The following SNX25 variants were observed in gnomAD, a reference collection of about 807,000 sequenced individuals.
The protein encoded by SNX25 is sorting nexin-25.
SNX25 carries 62 observed loss-of-function variants against 113.7 expected under a neutral mutation model. That is an observed-to-expected ratio of 0.55 (90% CI 0.44 to 0.67). SNX25 has a LOEUF of 0.67. SNX25 is among the 30% of genes least tolerant of loss of function. The pLI is 0.00. For missense variants in SNX25, 1,014 were observed against 1,161.0 expected, an observed-to-expected ratio of 0.87 and a Z score of 1.84; for synonymous variants, 421 against 436.2, an observed-to-expected ratio of 0.97 and a Z score of 0.43.
In SNX25 at chr4:185,323,661, A is replaced by G. The variant is rs749435584; in HGVS notation, c.1610A>G (p.Tyr537Cys). The G allele has an allele frequency of 3.1e-6, 5 of 1,613,832 alleles. No individual in the cohort carries two copies. The highest frequency in any genetic ancestry group is 3.4e-6 in the Non-Finnish European group (4 of 1,179,838). ...LVGNKGIEVF[Y>C]KIQEDVYETL... The stretch of plus-strand genomic sequence containing the variant: ...GGAAATAAAGGTATTGAAGTATTCT[A>G]CAAAATCCAGGAAGATGTTTATGAG... Residue 537 changes from tyrosine (Y) to cysteine (C), a missense_variant, in exon 9 of 19, where the codon TAC becomes TGC. Transcript: ENST00000652585.
chr4:185,349,319 C>T (rs892238604), intron 13 of SNX25, among the ~76,000 whole-genome samples: 5 of 152,144 alleles, frequency 3.3e-5, no homozygotes, highest in African/African-American at 7.2e-5. Flanking sequence ...ATCTGTTGGA[C>T]GCCTAAGTTG....
intron 5 of SNX25, among the ~76,000 whole-genome samples, chr4:185,277,388 C>G (rs13143236): frequency 0.012 from 1,827 of 152,182 alleles, 22 homozygotes; most frequent in Non-Finnish European, 0.016. Flanking sequence ...TTTGTGACTC[C>G]CAAGGTCTGT....
At chr4:185,245,526 C>T (rs1579454317) in intron 1 of SNX25, among the ~76,000 whole-genome samples, 2 of 152,002 alleles carry the variant, frequency 1.3e-5, no homozygotes, top group South Asian at 2.1e-4. Flanking sequence ...TTAGTAGAGA[C>T]GGGGGTCTCA....
intron 2 of SNX25, among the ~76,000 whole-genome samples, chr4:185,257,393 CTG>C (rs1746612366): frequency 6.6e-6 from 1 of 152,134 alleles, no homozygotes; most frequent in Admixed American, 6.5e-5. Flanking sequence ...GCTTTAGAAA[CTG>C]TGCTGTCCAA....
At chr4:185,234,712 A>G (rs958380708) in intron 1 of SNX25, among the ~76,000 whole-genome samples, 1 of 151,888 alleles carries the variant, frequency 6.6e-6, no homozygotes, top group African/African-American at 2.4e-5. Context: ...AGTTTAGGCT[A>G]TGACTTTTGG....
At chr4:185,343,883 C>T (rs528632774) in intron 12 of SNX25, among the ~76,000 whole-genome samples, 4 of 152,216 alleles carry the variant, frequency 2.6e-5, no homozygotes, top group Non-Finnish European at 5.9e-5. Flanking sequence ...ATTTTACTAT[C>T]CATGCTAGCA....
chr4:185,344,486 A>G (rs1180952605), intron 12 of SNX25, among the ~76,000 whole-genome samples: 1 of 152,156 alleles, frequency 6.6e-6, no homozygotes, highest in East Asian at 1.9e-4. Context: ...TGTGCGCTTA[A>G]CAAGCATGTG....
At chr4:185,282,430 A>C (rs1278563623) in intron 5 of SNX25, among the ~76,000 whole-genome samples, 1 of 152,114 alleles carries the variant, frequency 6.6e-6, no homozygotes, top group Non-Finnish European at 1.5e-5. Flanking sequence ...CAGCCTCCCA[A>C]AGTGCTGGGA....
At chr4:185,311,894 G>A (rs1298304166) in intron 7 of SNX25, among the ~76,000 whole-genome samples, 1 of 152,122 alleles carries the variant, frequency 6.6e-6, no homozygotes, top group African/African-American at 2.4e-5. Context: ...CAGCTCCAAG[G>A]AACTCTTGTT....
At chr4:185,351,736 G>C (rs1453956024) in intron 14 of SNX25, 127 bp downstream of exon 14, 1 of 977,296 alleles carries the variant, frequency 1.0e-6, no homozygotes, top group Non-Finnish European at 1.5e-6. Context: ...TGAGGCACCT[G>C]CTTGTATTTC....
At chr4:185,339,569 A>G in intron 11 of SNX25, 59 bp downstream of exon 11, 3 of 1,567,968 alleles carry the variant, frequency 1.9e-6, no homozygotes, top group Non-Finnish European at 2.6e-6. Flanking sequence ...ATTAAAAAAG[A>G]TTTTATCCTG....
chr4:185,308,981 C>A (rs924327420), intron 6 of SNX25, among the ~76,000 whole-genome samples: 1 of 152,154 alleles, frequency 6.6e-6, no homozygotes, highest in Non-Finnish European at 1.5e-5. Context: ...TAACAACAGC[C>A]ATTTATTTTG....
chr4:185,370,923 G>C (rs2126785667), downstream of SNX25: 1 of 1,197,738 alleles, frequency 8.3e-7, no homozygotes, highest in African/African-American at 1.5e-5. Flanking sequence ...TCTCTCTACT[G>C]CTTTGAGAAC....
intron 14 of SNX25, among the ~76,000 whole-genome samples, chr4:185,351,911 T>TGGGGGGGG (rs568440408): frequency 1.6e-4 from 20 of 127,762 alleles, no homozygotes; most frequent in South Asian, 4.8e-4. Flanking sequence ...CATTGCGGGG[T>TGGGGGGGG]GGGGGGGTTC....
chr4:185,239,839 A>G (rs1362617076), intron 1 of SNX25, among the ~76,000 whole-genome samples: 3 of 144,218 alleles, frequency 2.1e-5, no homozygotes, highest in Admixed American at 1.4e-4. Flanking sequence ...GCAGGGTCAC[A>G]GGACAATAGT....
chr4:185,293,951 G>A (rs1261898089), intron 6 of SNX25, among the ~76,000 whole-genome samples: 2 of 152,106 alleles, frequency 1.3e-5, no homozygotes, highest in African/African-American at 2.4e-5. Flanking sequence ...CTAGGAGGCC[G>A]ATGCACCAAG....
downstream of SNX25, among the ~76,000 whole-genome samples, chr4:185,373,793 T>C (rs2095424124): frequency 1.3e-5 from 2 of 152,240 alleles, no homozygotes; most frequent in South Asian, 2.1e-4. Context: ...TAATTCTTGG[T>C]ATATTTTACT....
intron 1 of SNX25, among the ~76,000 whole-genome samples, chr4:185,244,765 G>A (rs752761482): frequency 1.4e-4 from 21 of 152,104 alleles, no homozygotes; most frequent in Non-Finnish European, 3.1e-4. Context: ...TTTCTTGGGT[G>A]CAACATGTAC....
chr4:185,208,276 A>C (rs1737283157), upstream of SNX25, among the ~76,000 whole-genome samples: 1 of 151,892 alleles, frequency 6.6e-6, no homozygotes, highest in Non-Finnish European at 1.5e-5. Context: ...TCAGCCTCCG[A>C]AAGTGTAGGG....
Sources: allele counts gnomAD v4.1 joint callset (sites outside exome capture counted in the v4.1 genomes callset), GRCh38; gene constraint gnomAD v4.1.1; transcripts MANE v1.5; gene names NCBI Gene and HGNC (gene_info 2026-07-23, HGNC 2026-07-21).